Variants in FAM110B observed in about 807,000 individuals in gnomAD.
FAM110B encodes the protein family with sequence similarity 110 member B, also known as protein FAM110B.
Under a neutral mutation model 20.4 loss-of-function variants are expected in FAM110B, and 6 were observed. The ratio of observed to expected loss-of-function variants is 0.29; its 90% CI spans 0.16 to 0.58. The LOEUF (loss-of-function observed/expected upper bound fraction) is 0.58, where lower values mean the gene tolerates loss of function less well. FAM110B is among the 20% of genes least tolerant of loss of function. The probability of loss-of-function intolerance (pLI) is 0.90; values close to 1 mark genes in which losing one functional copy is unlikely to be tolerated. For missense variants in FAM110B, 434 were observed against 498.2 expected, an observed-to-expected ratio of 0.87 and a Z score of 1.23; for synonymous variants, 226 against 214.1, an observed-to-expected ratio of 1.06 and a Z score of -0.49.
intron 3 of FAM110B, among the ~76,000 whole-genome samples, chr8:58,078,011 T>G (rs1023721875): frequency 5.3e-5 from 8 of 152,308 alleles, no homozygotes; most frequent in Non-Finnish European, 7.4e-5. Flanking sequence ...AAAAGCATAA[T>G]TTGTTTCTTA....
intron 3 of FAM110B, among the ~76,000 whole-genome samples, chr8:58,089,249 G>A (rs1227773799): frequency 6.6e-6 from 1 of 152,178 alleles, no homozygotes; most frequent in South Asian, 2.1e-4. Context: ...GTGAAAATTA[G>A]CACTCTCTAT....
intron 2 of FAM110B, among the ~76,000 whole-genome samples, chr8:58,064,249 C>T (rs1291453993): frequency 6.6e-6 from 1 of 152,146 alleles, no homozygotes; most frequent in Non-Finnish European, 1.5e-5. Flanking sequence ...CAGACCCAAA[C>T]CATATCAAAA....
chr8:58,147,355 G>T lies in FAM110B; in HGVS notation c.*12G>T, dbSNP rs753097431. ...TCTCCCATGTGTAAGACAGTGCGTG[G>T]AAAGGAGGGAGCGTGGGTCTCTGTG... On this transcript the variant is annotated 3_prime_UTR_variant, in exon 4 of 4. Transcript: ENST00000519262. 1 of 1,606,786 alleles carries T rather than the reference G, an allele frequency of 6.2e-7. No individual in the cohort carries two copies. Among genetic ancestry groups the T allele is most frequent in the South Asian group, 1.1e-5 (1 of 89,626 alleles).
intron 2 of FAM110B, among the ~76,000 whole-genome samples, chr8:58,048,978 G>T (rs761537392): frequency 1.3e-5 from 2 of 152,174 alleles, no homozygotes; most frequent in Non-Finnish European, 2.9e-5. Context: ...GAGTAATACC[G>T]ATTGAGATTT....
chr8:58,027,205 C>T (rs1333577198), intron 1 of FAM110B, among the ~76,000 whole-genome samples: 2 of 152,178 alleles, frequency 1.3e-5, no homozygotes, highest in African/African-American at 4.8e-5. Flanking sequence ...ATTGTAAGGT[C>T]ACAACTTATT....
At chr8:58,030,235 T>C (rs1804936690) in intron 1 of FAM110B, among the ~76,000 whole-genome samples, 1 of 152,206 alleles carries the variant, frequency 6.6e-6, no homozygotes, top group South Asian at 2.1e-4. Context: ...AAATTTCAGG[T>C]ATTAAAGCAA....
intron 3 of FAM110B, among the ~76,000 whole-genome samples, chr8:58,120,331 T>C (rs932665341): frequency 3.3e-5 from 5 of 152,220 alleles, no homozygotes; most frequent in African/African-American, 1.2e-4. Context: ...TTCATCTTCC[T>C]GATCTAGCCC....
At chr8:58,086,396 TTAA>T (rs1806336340) in intron 3 of FAM110B, among the ~76,000 whole-genome samples, 1 of 152,248 alleles carries the variant, frequency 6.6e-6, no homozygotes, top group Admixed American at 6.5e-5. Flanking sequence ...TTATATTTTA[TTAA>T]TAATACTTCA....
At chr8:58,031,142 T>C (rs1804954463) in intron 1 of FAM110B, among the ~76,000 whole-genome samples, 2 of 152,218 alleles carry the variant, frequency 1.3e-5, no homozygotes, top group African/African-American at 4.8e-5. Flanking sequence ...CAGAAGGAGC[T>C]ACTAGACCTG....
At chr8:57,995,810 G>C (rs1804173999) in intron 1 of FAM110B, among the ~76,000 whole-genome samples, 1 of 152,324 alleles carries the variant, frequency 6.6e-6, no homozygotes, top group African/African-American at 2.4e-5. Flanking sequence ...GGCAACCTCT[G>C]TGTTCTTCCT....
intron 1 of FAM110B, among the ~76,000 whole-genome samples, chr8:57,998,337 C>T (rs543935299): frequency 3.9e-5 from 6 of 152,146 alleles, no homozygotes; most frequent in Non-Finnish European, 8.8e-5. Flanking sequence ...TTTTTGGCTT[C>T]GTTGCTCAGG....
chr8:57,999,551 AT>A (rs1360388445), intron 1 of FAM110B, among the ~76,000 whole-genome samples: 2 of 152,118 alleles, frequency 1.3e-5, no homozygotes, highest in African/African-American at 4.8e-5. Flanking sequence ...GGAACTTAAT[AT>A]AAATAAAAAA....
chr8:58,035,645 A>G (rs893971359), intron 2 of FAM110B, among the ~76,000 whole-genome samples: 1 of 152,198 alleles, frequency 6.6e-6, no homozygotes, highest in African/African-American at 2.4e-5. Flanking sequence ...CTGAATTGAA[A>G]ATGCAGCAAA....
intron 2 of FAM110B, among the ~76,000 whole-genome samples, chr8:58,033,297 A>G (rs1257730179): frequency 1.3e-5 from 2 of 152,058 alleles, no homozygotes; most frequent in African/African-American, 4.8e-5. Flanking sequence ...AATCCAGTCC[A>G]CCATTGATGT....
At chr8:58,132,880 G>A (rs774446800) in intron 3 of FAM110B, among the ~76,000 whole-genome samples, 1 of 152,144 alleles carries the variant, frequency 6.6e-6, no homozygotes, top group Non-Finnish European at 1.5e-5. Flanking sequence ...TAGAGACTGA[G>A]AATAAAATAA....
intron 2 of FAM110B, among the ~76,000 whole-genome samples, chr8:58,043,973 A>G (rs1432755253): frequency 6.6e-6 from 1 of 152,238 alleles, no homozygotes; most frequent in African/African-American, 2.4e-5. Context: ...CAAAAAATGT[A>G]ATGCACATCT....
intron 3 of FAM110B, among the ~76,000 whole-genome samples, chr8:58,076,311 G>A (rs1042635693): frequency 6.6e-6 from 1 of 152,172 alleles, no homozygotes; most frequent in Admixed American, 6.5e-5. Context: ...AGGGTCAGCA[G>A]CAAGGGCACT....
intron 1 of FAM110B, among the ~76,000 whole-genome samples, chr8:57,999,044 T>TTTG (rs551775004): frequency 4.4e-4 from 67 of 152,230 alleles, no homozygotes; most frequent in African/African-American, 1.3e-3. Context: ...AGCCTTGTTT[T>TTTG]TTGTTGTTGT....
At chr8:58,106,491 A>G (rs547714137) in intron 3 of FAM110B, among the ~76,000 whole-genome samples, 16 of 152,214 alleles carry the variant, frequency 1.1e-4, no homozygotes, top group African/African-American at 3.9e-4. Flanking sequence ...AGAATCAAGC[A>G]TGTGTAGAAG....
Sources: gnomAD v4.1 joint callset for allele counts (sites outside exome capture counted in the v4.1 genomes callset) on GRCh38, gnomAD v4.1.1 for gene constraint, MANE v1.5 for transcripts, NCBI Gene and HGNC (gene_info 2026-07-23, HGNC 2026-07-21) for gene names.